Variants in WDFY3 observed in about 807,000 individuals in gnomAD.
WDFY3 encodes the protein WD repeat and FYVE domain-containing protein 3.
A neutral mutation model predicts 409.6 loss-of-function variants in WDFY3; 66 were observed. The ratio of observed to expected loss-of-function variants is 0.16; its 90% CI spans 0.13 to 0.20. The LOEUF (loss-of-function observed/expected upper bound fraction) is 0.20. WDFY3 is among the 10% of genes least tolerant of loss of function. The pLI, the probability that WDFY3 is intolerant of heterozygous loss-of-function variation, is 1.00. For missense variants in WDFY3, 3,031 were observed against 4,298.1 expected (o/e 0.71, Z 8.24); for synonymous variants, 1,521 against 1,537.1 (o/e 0.99, Z 0.25).
chr4:84,761,068 G>A (rs1233486394), intron 32 of WDFY3, among the ~76,000 whole-genome samples: 1 of 152,120 alleles, frequency 6.6e-6, no homozygotes, highest in Non-Finnish European at 1.5e-5. Context: ...TATGTACACA[G>A]TAGTCATTCA....
At chr4:84,819,971 G>T in intron 12 of WDFY3, 114 bp downstream of exon 12, 1 of 936,460 alleles carries the variant, frequency 1.1e-6, no homozygotes, top group Non-Finnish European at 1.6e-6. Context: ...TACCATCACT[G>T]AATCAATAGT....
In WDFY3 at chr4:84,794,881, G is replaced by C; in HGVS notation, c.3266C>G (p.Ser1089Cys). 1 of 1,563,522 alleles carries C rather than the reference G, an allele frequency of 6.4e-7. No homozygotes were observed. Among genetic ancestry groups the C allele is most frequent in the Non-Finnish European group, 8.6e-7 (1 of 1,163,162 alleles). Residue 1089 changes from serine to cysteine, a missense_variant and splice_region_variant, in exon 20 of 68, where the codon TCT becomes TGT. Physicochemically the swap from Ser to Cys is moderately radical, Grantham distance 112. Around this residue, in one of 16 missense-constraint regions of WDFY3, gnomAD observed 1,322 missense variants for 1,697.9 expected, o/e 0.78. Coordinates refer to ENST00000295888, the MANE Select transcript of WDFY3 (RefSeq NM_014991.6). ...AGCAGAAAGCAAATATTACTTACCAGAACCAATGCCACTGACCACAGCCCC... is the reference window on the plus strand; with the variant it reads ...AGCAGAAAGCAAATATTACTTACCACAACCAATGCCACTGACCACAGCCCC... Reference protein sequence around the residue: ...IDGAVVSGIGSGERFFPPPSG... With the variant: ...IDGAVVSGIGCGERFFPPPSG...
In WDFY3 at chr4:84,817,834, A is replaced by G. The variant is rs546227885; in HGVS notation, c.1694-249T>C. On this transcript the variant is annotated intron_variant, in intron 12 of 67. Transcript: ENST00000295888. ...ATGCCGTGATATGTTCACCATGTCC[A>G]AGCTCTCAAAATCTAGAACATTCAC... Among the ~76,000 whole-genome samples, 17 of 152,300 alleles carry G rather than the reference A, an allele frequency of 1.1e-4. No homozygotes were observed. In the South Asian group the frequency reaches 1.2e-3, roughly 11 times the overall value.
chr4:84,885,860 C>T (rs1764154568), intron 3 of WDFY3, among the ~76,000 whole-genome samples: 1 of 152,054 alleles, frequency 6.6e-6, no homozygotes, highest in Non-Finnish European at 1.5e-5. Context: ...ATCTTGCATT[C>T]CTCTTCTACA....
chr4:84,951,051 G>C (rs1382492409), intron 1 of WDFY3, among the ~76,000 whole-genome samples: 1 of 152,106 alleles, frequency 6.6e-6, no homozygotes, highest in African/African-American at 2.4e-5. Flanking sequence ...TCTCACATTG[G>C]AGATTAATTT....
intron 1 of WDFY3, among the ~76,000 whole-genome samples, chr4:84,936,226 A>G (rs1771387073): frequency 6.6e-6 from 1 of 152,110 alleles, no homozygotes; most frequent in African/African-American, 2.4e-5. Flanking sequence ...GCTGGGTCTT[A>G]TCATACTCTT....
At position 84,850,926 on chromosome 4, in the gene WDFY3, C is replaced by CTTTTTTTTTTTTTT. The variant is rs781440189; in HGVS notation, c.181-902_181-901insAAAAAAAAAAAAAA. On this transcript the variant is annotated intron_variant, in intron 4 of 67. Transcript: ENST00000295888. ...AATTCTTATTTTTAATTTTATTTATCTGTTTTTTTTTTTTTTTTTTTTTTT... is the reference window on the plus strand; with the variant it reads ...AATTCTTATTTTTAATTTTATTTATCTTTTTTTTTTTTTTTGTTTTTTTTTTTTTTTTTTTTTTT... 2.6e-3 allele frequency among the ~76,000 whole-genome samples: 85 copies of CTTTTTTTTTTTTTT among 32,152 alleles called. 8 individuals are homozygous for CTTTTTTTTTTTTTT. The highest frequency in any genetic ancestry group is 0.016 in the Middle Eastern group (1 of 62). The allele number at this position is 32,152 out of a possible 152,430, so 21.1% of individuals were successfully genotyped here.
intron 2 of WDFY3, among the ~76,000 whole-genome samples, chr4:84,915,302 C>T (rs1768338325): frequency 1.3e-5 from 2 of 152,100 alleles, no homozygotes; most frequent in South Asian, 2.1e-4. Context: ...GAATTGTACA[C>T]TTAAATATTG....
rs545918858 is a variant in WDFY3 at position 84,895,945 on chromosome 4, T to G, written c.-32+966A>C. ...AGTGCAAAAGATAAAAAGAGACAAATTGGAACATGGCGAAATAAAAGGATG... is the reference window on the plus strand; with the variant it reads ...AGTGCAAAAGATAAAAAGAGACAAAGTGGAACATGGCGAAATAAAAGGATG... On this transcript the variant is annotated intron_variant, in intron 3 of 67. Coordinates refer to ENST00000295888, the MANE Select transcript of WDFY3 (RefSeq NM_014991.6). 7.2e-5 allele frequency among the ~76,000 whole-genome samples: 11 copies of G among 152,020 alleles called. No individual in the cohort carries two copies. The South Asian group carries it at 2.3e-3, about 32-fold the overall frequency.
At chr4:84,693,154 T>C (rs1578151172) in intron 58 of WDFY3, 122 bp from the exon 59 acceptor site, 2 of 1,051,054 alleles carry the variant, frequency 1.9e-6, no homozygotes, top group Non-Finnish European at 2.7e-6. Flanking sequence ...TACTATATTA[T>C]CCTCATTTTA....
chr4:84,937,389 A>G lies in WDFY3; in HGVS notation c.-225-5026T>C, dbSNP rs1771562702. 1.3e-5 allele frequency among the ~76,000 whole-genome samples: 2 copies of G among 152,072 alleles called. 1 individual carries two copies. The highest frequency in any genetic ancestry group is 4.1e-4 in the South Asian group (2 of 4,828). ...GTTCCTCCTCTTCTCCCTGACCTTT[A>G]AAGTTTAGGTTGTTAGCCTTCTTCT... On this transcript the variant is annotated intron_variant, in intron 1 of 67. Coordinates refer to ENST00000295888, the MANE Select transcript of WDFY3 (RefSeq NM_014991.6).
intron 51 of WDFY3, among the ~76,000 whole-genome samples, chr4:84,712,118 G>A (rs999916982): frequency 3.3e-5 from 5 of 151,890 alleles, no homozygotes; most frequent in African/African-American, 4.8e-5. Flanking sequence ...GAGGCCAGGA[G>A]TTTGAGACCA....
chr4:84,869,306 C>A (rs1479879680), intron 3 of WDFY3, among the ~76,000 whole-genome samples: 1 of 152,184 alleles, frequency 6.6e-6, no homozygotes, highest in Admixed American at 6.5e-5. Context: ...TATCCTTTGA[C>A]TTCTCCCAAT....
chr4:84,862,591 T>C (rs1760791770), intron 3 of WDFY3, among the ~76,000 whole-genome samples: 1 of 152,218 alleles, frequency 6.6e-6, no homozygotes, highest in Non-Finnish European at 1.5e-5. Flanking sequence ...TTTTAGATTA[T>C]GTATAGTTCT....
chr4:84,738,535 AAG>A (rs1400004963), intron 40 of WDFY3, among the ~76,000 whole-genome samples: 1 of 151,910 alleles, frequency 6.6e-6, no homozygotes, highest in African/African-American at 2.4e-5. Context: ...CCGAAAGGTA[AAG>A]GTTGTAGTGA....
intron 6 of WDFY3, 71 bp downstream of exon 6, chr4:84,841,083 A>T: frequency 8.3e-7 from 1 of 1,199,320 alleles, no homozygotes; most frequent in Non-Finnish European, 1.2e-6. Context: ...TGATGAATTT[A>T]ATAATAAAAT....
Position 84,688,138 on chromosome 4 carries a change from T to C in WDFY3, c.9491A>G (p.Gln3164Arg). The C allele has an allele frequency of 6.2e-7, 1 of 1,614,170 alleles. No homozygotes were observed. The highest frequency in any genetic ancestry group is 8.5e-7 in the Non-Finnish European group (1 of 1,180,028). The change falls in exon 62 of 68, where the codon CAG (glutamine) becomes CGG (arginine). Residue 3164 changes from glutamine to arginine, a missense_variant. Gln to Arg is a conservative substitution (Grantham distance 43). Transcript: ENST00000295888. The part of the protein sequence containing the change: ...WDLNKLSFLT[Q>R]LRGHRAPVSA... ...AACTGGAGCTCGATGCCCTCGAAGC[T>C]GGGTTAGAAATGACAGTTTGTTCAA...
intron 49 of WDFY3, 129 bp downstream of exon 49, chr4:84,716,767 C>G: frequency 1.3e-6 from 1 of 776,320 alleles, no homozygotes; most frequent in Non-Finnish European, 1.6e-6. Flanking sequence ...CCACTGCACT[C>G]CAGCCTGGGC....
chr4:84,882,036 T>A (rs1763606794), intron 3 of WDFY3, among the ~76,000 whole-genome samples: 5 of 152,184 alleles, frequency 3.3e-5, no homozygotes, highest in Non-Finnish European at 7.3e-5. Context: ...TAGTAAGTAG[T>A]ATGAATGGGA....
Sources: gnomAD v4.1 joint callset for allele counts (sites outside exome capture counted in the v4.1 genomes callset) on GRCh38, gnomAD v4.1.1 for gene constraint, gnomAD v4.1.1 regional missense constraint, MANE v1.5 for transcripts, NCBI Gene and HGNC (gene_info 2026-07-23, HGNC 2026-07-21) for gene names.